SLC24A2: variants seen among roughly 807,000 people sequenced by gnomAD.
SLC24A2 encodes the protein sodium/potassium/calcium exchanger 2.
Under a neutral mutation model 62.0 loss-of-function variants are expected in SLC24A2, and 36 were observed. The ratio of observed to expected loss-of-function variants is 0.58; its 90% confidence interval spans 0.44 to 0.77. The LOEUF is 0.77. Ranked by LOEUF, SLC24A2 falls within the 30% of genes least tolerant of loss-of-function variation. SLC24A2 has a pLI of 0.00. For missense variants in SLC24A2, 846 were observed against 817.9 expected, an observed-to-expected ratio of 1.03 and a Z score of -0.42; for synonymous variants, 358 against 294.0, an observed-to-expected ratio of 1.22 and a Z score of -2.23.
the SLC24A2 span, among the ~76,000 whole-genome samples, chr9:19,963,649 C>T: frequency 6.6e-6 from 1 of 152,140 alleles, no homozygotes; most frequent in Non-Finnish European, 1.5e-5. Context: ...CAGAGAAATG[C>T]AAATCAAAAC....
Position 19,786,156 on chromosome 9 carries a change from C to A in SLC24A2, c.711G>T (p.Pro237=). 2 of 1,614,092 alleles carry A rather than the reference C, an allele frequency of 1.2e-6. No homozygotes were observed. Among genetic ancestry groups the A allele is most frequent in the Non-Finnish European group, 1.7e-6 (2 of 1,180,014 alleles). ...SREILNLTWW[P]LFRDVSFYIV... is the part of the protein sequence containing the mutation. ...TGTAGAAAGACACATCTCGAAAGAG[C>A]GGCCACCATGTCAGGTTTAAGATTT... is the stretch of plus-strand genomic sequence containing the variant. The change falls in exon 2 of 11, where the codon CCG becomes CCT. Residue 237 remains proline (P), a synonymous_variant. Coordinates refer to ENST00000341998, the MANE Select transcript of SLC24A2 (RefSeq NM_020344.4). This position sits in a 1 kb window ranked among gnomAD's most constrained non-coding sequence, Gnocchi z 5.0.
At chr9:19,754,067 C>A (rs977338635) in intron 2 of SLC24A2, among the ~76,000 whole-genome samples, 1 of 152,164 alleles carries the variant, frequency 6.6e-6, no homozygotes, top group African/African-American at 2.4e-5. Flanking sequence ...ATCCTTTCCA[C>A]AACATTAACA....
chr9:20,270,184 T>C, the SLC24A2 span, among the ~76,000 whole-genome samples: 1 of 152,112 alleles, frequency 6.6e-6, no homozygotes, highest in Non-Finnish European at 1.5e-5. Flanking sequence ...TCATAAGGGA[T>C]CCAACCCCAT....
intron 2 of SLC24A2, among the ~76,000 whole-genome samples, chr9:19,715,051 C>A (rs1820819984): frequency 6.6e-6 from 1 of 151,774 alleles, no homozygotes; most frequent in East Asian, 1.9e-4. Context: ...TCCATCCTTA[C>A]CACCACCACC....
chr9:19,519,864 C>T (rs548422865), intron 10 of SLC24A2, among the ~76,000 whole-genome samples: 2 of 151,822 alleles, frequency 1.3e-5, no homozygotes, highest in Non-Finnish European at 2.9e-5. Flanking sequence ...TGAATACTCA[C>T]AGCAGAGTTT....
rs559530120 is a variant in SLC24A2, at chr9:19,731,315, T to C, written c.930+54622A>G. Among the ~76,000 whole-genome samples, 25 of 152,338 alleles carry C rather than the reference T, an allele frequency of 1.6e-4. No homozygotes were observed. The East Asian group carries it at 4.8e-3, about 29-fold the overall frequency. On this transcript the variant is annotated intron_variant, in intron 2 of 10. Transcript: ENST00000341998. ...CATTTCTTGTGAGGATTATACATAATGCTATGGACTGAATGTTTGTGTACC... is the reference window on the plus strand; with the variant it reads ...CATTTCTTGTGAGGATTATACATAACGCTATGGACTGAATGTTTGTGTACC...
the SLC24A2 span, among the ~76,000 whole-genome samples, chr9:19,960,901 T>C: frequency 2.5e-4 from 38 of 152,184 alleles, no homozygotes; most frequent in Non-Finnish European, 4.3e-4. Flanking sequence ...AATTATTGGC[T>C]ATATCATCTA....
At chr9:20,239,939 G>C in the SLC24A2 span, among the ~76,000 whole-genome samples, 1 of 151,588 alleles carries the variant, frequency 6.6e-6, no homozygotes, top group Non-Finnish European at 1.5e-5. Context: ...AGGGTGTTAG[G>C]TATTTCAATT....
chr9:19,980,090 G>A, the SLC24A2 span, among the ~76,000 whole-genome samples: 1 of 152,180 alleles, frequency 6.6e-6, no homozygotes, highest in Non-Finnish European at 1.5e-5. Flanking sequence ...TTTTTGGTGG[G>A]ACTAAAGGCT....
the SLC24A2 span, among the ~76,000 whole-genome samples, chr9:19,866,960 T>TA: frequency 2.6e-5 from 4 of 151,846 alleles, no homozygotes; most frequent in Admixed American, 1.3e-4. Flanking sequence ...GTTAGTGGGT[T>TA]AAAAAAATGA....
At chr9:19,714,164 T>C (rs1820792686) in intron 2 of SLC24A2, among the ~76,000 whole-genome samples, 1 of 152,234 alleles carries the variant, frequency 6.6e-6, no homozygotes, top group Non-Finnish European at 1.5e-5. Flanking sequence ...CTATCCTTTT[T>C]AATAATAGAA....
At position 19,514,264 on chromosome 9, in the gene SLC24A2, C is replaced by G. The variant is rs1387035795; in HGVS notation, c.*1889G>C. 3.3e-5 allele frequency: 5 copies of G among 152,162 alleles called. No homozygotes were observed. Among genetic ancestry groups the G allele is most frequent in the African/African-American group, 1.2e-4 (5 of 41,434 alleles). 9.4% of individuals were successfully genotyped at this position (152,162 alleles called of 1,614,324 possible). On this transcript the variant is annotated 3_prime_UTR_variant, in exon 11 of 11. Transcript: ENST00000341998. ...CTTATTCTGCTGTGAGTTCTGCATCCTGTCCTCTTATGTTAAGAGGTATGT... is the reference window on the plus strand; with the variant it reads ...CTTATTCTGCTGTGAGTTCTGCATCGTGTCCTCTTATGTTAAGAGGTATGT...
intron 3 of SLC24A2, among the ~76,000 whole-genome samples, chr9:19,620,773 G>A (rs975084081): frequency 6.6e-6 from 1 of 152,198 alleles, no homozygotes; most frequent in African/African-American, 2.4e-5. Context: ...GTATCGTAAT[G>A]TAAGGGAATT....
chr9:19,540,419 A>G (rs982827940), intron 8 of SLC24A2, among the ~76,000 whole-genome samples: 3 of 148,860 alleles, frequency 2.0e-5, no homozygotes, highest in Admixed American at 1.3e-4. Context: ...AAAATCTCTC[A>G]GCATTTGCTT....
chr9:20,082,050 G>A, the SLC24A2 span, among the ~76,000 whole-genome samples: 1 of 152,148 alleles, frequency 6.6e-6, no homozygotes, highest in African/African-American at 2.4e-5. Context: ...CTGGCTTGAT[G>A]AGGTGAGTGA....
At chr9:20,102,295 G>A in the SLC24A2 span, among the ~76,000 whole-genome samples, 54 of 151,350 alleles carry the variant, frequency 3.6e-4, no homozygotes, top group African/African-American at 1.3e-3. Flanking sequence ...ATACACCACA[G>A]AATACTATGC....
At chr9:20,096,077 ATCCATCCATCCG>A in the SLC24A2 span, among the ~76,000 whole-genome samples, 3,106 of 145,898 alleles carry the variant, frequency 0.021, 120 homozygotes, top group African/African-American at 0.078. Context: ...GTATCCATCC[ATCCATCCATCCG>A]TCCGTCCGTC....
the SLC24A2 span, among the ~76,000 whole-genome samples, chr9:20,222,553 C>T: frequency 3.2e-4 from 48 of 152,044 alleles, no homozygotes; most frequent in East Asian, 9.7e-4. Flanking sequence ...ACTAGACAAA[C>T]TGTTAAAAGA....
chr9:19,598,685 G>GTA (rs968224286), intron 4 of SLC24A2, among the ~76,000 whole-genome samples: 7 of 151,204 alleles, frequency 4.6e-5, no homozygotes, highest in African/African-American at 9.7e-5. Context: ...GTATATATAT[G>GTA]TATATATATA....
Sources: allele counts gnomAD v4.1 joint callset (sites outside exome capture counted in the v4.1 genomes callset), GRCh38; gene constraint gnomAD v4.1.1; non-coding constraint Gnocchi (gnomAD v3.1); transcripts MANE v1.5; gene names NCBI Gene and HGNC (gene_info 2026-07-23, HGNC 2026-07-21).